GNAS: variants seen among roughly 807,000 people sequenced by gnomAD.
GNAS encodes GNAS complex locus.
Under a neutral mutation model 54.5 loss-of-function variants are expected in GNAS, and 8 were observed. That is an observed-to-expected ratio of 0.15 (90% confidence interval 0.09 to 0.26). The LOEUF is 0.26. Ranked by LOEUF, GNAS falls within the 10% of genes least tolerant of loss-of-function variation. The probability of loss-of-function intolerance (pLI) is 1.00; values close to 1 mark genes in which losing one functional copy is unlikely to be tolerated. For synonymous variants in GNAS, 204 were observed against 191.4 expected (o/e 1.07, Z -0.54); for missense variants, 170 against 529.8 (o/e 0.32, Z 6.67).
intron 1 of GNAS, chr20:58,895,372 C>T (rs1406129475): frequency 5.9e-6 from 3 of 511,856 alleles, no homozygotes; most frequent in Non-Finnish European, 1.1e-5. Context: ...AAATTAAAAC[C>T]AGCAAACCTT....
chr20:58,886,245 G>T (rs1019471317), intron 1 of GNAS, among the ~76,000 whole-genome samples: 1 of 152,178 alleles, frequency 6.6e-6, no homozygotes, highest in African/African-American at 2.4e-5. Context: ...ATGTTGGAAA[G>T]AAATGTTTCG....
intron 1 of GNAS, among the ~76,000 whole-genome samples, chr20:58,894,538 T>A (rs969287116): frequency 2.0e-5 from 3 of 152,228 alleles, no homozygotes; most frequent in African/African-American, 7.2e-5. Flanking sequence ...ATAACAGATT[T>A]GTGTGGAAGG....
chr20:58,901,806 C>T (rs868823341), intron 3 of GNAS, among the ~76,000 whole-genome samples: 6 of 149,302 alleles, frequency 4.0e-5, no homozygotes, highest in East Asian at 2.1e-4. Context: ...GAAGGCCTGT[C>T]GACAGGCCCG....
chr20:58,850,218 T>C (rs1176713988), intron 1 of GNAS, among the ~76,000 whole-genome samples: 2 of 152,062 alleles, frequency 1.3e-5, no homozygotes, highest in African/African-American at 2.4e-5. Flanking sequence ...ACTTTCAAGG[T>C]CCCCCCAGGT....
Position 58,891,675 on chromosome 20 carries a change from C to G in GNAS, c.-52C>G, listed in dbSNP as rs2089352921. 19 of 973,526 alleles carry G rather than the reference C, an allele frequency of 2.0e-5. No homozygotes were observed. The highest frequency in any genetic ancestry group is 2.2e-5 in the Non-Finnish European group (18 of 824,114). 60.3% of individuals were successfully genotyped at this position (973,526 alleles called of 1,614,324 possible). On this transcript the variant is annotated 5_prime_UTR_variant, in exon 1 of 13. Coordinates refer to ENST00000371085, the MANE Select transcript of GNAS (RefSeq NM_000516.7). ...CCCTCCCGGCCCGCGTGAGGCCGCC[C>G]GCGCCCGCCGCCGCCGCAGCCCGGC...
chr20:58,853,681 T>C lies in GNAS; in HGVS notation c.43+12795T>C. The C allele has an allele frequency of 6.2e-7, 1 of 1,613,742 alleles. No homozygotes were observed. The stretch of plus-strand genomic sequence containing the variant: ...CTTGAGGCCTTCGGCCCAGCACTCA[T>C]GGAGCCCGGAGCCTTCAGTGGTGCC... On this transcript the variant is annotated intron_variant, in intron 1 of 12. Transcript: ENST00000306090. The surrounding 1 kb of genome is among the most constrained non-coding windows in gnomAD (Gnocchi z 4.4).
intron 1 of GNAS, chr20:58,854,067 C>G: frequency 6.2e-7 from 1 of 1,611,650 alleles, no homozygotes; most frequent in Non-Finnish European, 8.5e-7. Flanking sequence ...CCGCCTCACT[C>G]CCGCCGCGAA....
intron 1 of GNAS, among the ~76,000 whole-genome samples, chr20:58,894,203 G>A (rs1383717940): frequency 2.0e-5 from 3 of 152,284 alleles, no homozygotes; most frequent in South Asian, 2.1e-4. Flanking sequence ...ACTGAGGCAC[G>A]GATCTGTTTT....
At chr20:58,843,097 TCAGA>T (rs1324785154) in intron 1 of GNAS, among the ~76,000 whole-genome samples, 3 of 152,092 alleles carry the variant, frequency 2.0e-5, no homozygotes, top group Admixed American at 2.0e-4. Context: ...ACACTGTCTT[TCAGA>T]CAGTCTTCCA....
At chr20:58,904,066 T>C (rs1014750631) in intron 5 of GNAS, among the ~76,000 whole-genome samples, 1 of 152,208 alleles carries the variant, frequency 6.6e-6, no homozygotes, top group Non-Finnish European at 1.5e-5. Context: ...CAAATAAACA[T>C]CACTCTTGAA....
intron 3 of GNAS, chr20:58,903,234 T>C (rs1050851021): frequency 2.0e-6 from 1 of 500,550 alleles, no homozygotes; most frequent in African/African-American, 1.9e-5. Context: ...TAGTATGTAG[T>C]GTGGGGGCTT....
At chr20:58,900,113 G>GC (rs2090472532) in intron 3 of GNAS, 2 of 568,802 alleles carry the variant, frequency 3.5e-6, no homozygotes, top group Non-Finnish European at 6.3e-6. Context: ...GACCTTAAAC[G>GC]ATGATTGAAA....
chr20:58,844,426 A>G (rs1250240176), intron 1 of GNAS, among the ~76,000 whole-genome samples: 1 of 152,158 alleles, frequency 6.6e-6, no homozygotes, highest in Non-Finnish European at 1.5e-5. Context: ...GGGTTTTGAC[A>G]CTAATGACTC....
chr20:58,873,397 T>A lies in GNAS; in HGVS notation c.44-22215T>A, dbSNP rs989840975. ...AGTGAAAACAGTTGTCACAAATTAA[T>A]TTTTCAAATGTTTGACTATTGGCAG... is the stretch of plus-strand genomic sequence containing the variant. On this transcript the variant is annotated intron_variant, in intron 1 of 12. Coordinates refer to the GNAS transcript ENST00000306090. This position sits in a 1 kb window ranked among gnomAD's most constrained non-coding sequence, Gnocchi z 4.3. 6.6e-6 allele frequency among the ~76,000 whole-genome samples: 1 copy of A among 152,216 alleles called. No individual in the cohort carries two copies. The highest frequency in any genetic ancestry group is 1.5e-5 in the Non-Finnish European group (1 of 68,030).
At chr20:58,874,483 G>C (rs1456855353) in intron 1 of GNAS, among the ~76,000 whole-genome samples, 2 of 152,274 alleles carry the variant, frequency 1.3e-5, no homozygotes, top group African/African-American at 4.8e-5. Context: ...TTTGCAGCCA[G>C]ATCCTTATGT....
intron 1 of GNAS, chr20:58,854,088 C>T (rs572314312): frequency 2.5e-6 from 4 of 1,612,294 alleles, no homozygotes; most frequent in African/African-American, 2.7e-5. Context: ...CGCGCCTCCC[C>T]TCTGGGTCCC....
intron 1 of GNAS, among the ~76,000 whole-genome samples, chr20:58,875,981 C>T (rs147452631): frequency 3.2e-4 from 48 of 152,148 alleles, no homozygotes; most frequent in African/African-American, 1.1e-3. Context: ...ACATAAACAG[C>T]CCCCCCAACT....
intron 3 of GNAS, chr20:58,903,069 G>A (rs962625491): frequency 4.9e-5 from 16 of 325,822 alleles, no homozygotes; most frequent in Non-Finnish European, 8.4e-5. Flanking sequence ...ACCACCACCT[G>A]TGCTCACTGG....
At chr20:58,894,868 G>A (rs2089893866) in intron 1 of GNAS, among the ~76,000 whole-genome samples, 1 of 152,192 alleles carries the variant, frequency 6.6e-6, no homozygotes, top group Non-Finnish European at 1.5e-5. Flanking sequence ...TGTATTTGAT[G>A]TTAAAGTGTG....
Sources: gnomAD v4.1 joint callset for allele counts (sites outside exome capture counted in the v4.1 genomes callset) on GRCh38, gnomAD v4.1.1 for gene constraint, Gnocchi (gnomAD v3.1) non-coding constraint, MANE v1.5 for transcripts, NCBI Gene and HGNC (gene_info 2026-07-23, HGNC 2026-07-21) for gene names.